The following SRRM4 variants were observed in gnomAD, a reference collection of about 807,000 sequenced individuals.
SRRM4 encodes the protein serine/arginine repetitive matrix 4, also known as serine/arginine repetitive matrix protein 4.
In SRRM4, 33 loss-of-function variants were observed where a neutral mutation model predicts 68.9. The observed-to-expected ratio is 0.48, with a 90% confidence interval of 0.36 to 0.64. SRRM4 has a LOEUF of 0.64. SRRM4 is among the 30% of genes least tolerant of loss of function. The pLI, the probability that SRRM4 is intolerant of heterozygous loss-of-function variation, is 0.00. For missense variants in SRRM4, 817 were observed against 827.1 expected (o/e 0.99, Z 0.15); for synonymous variants, 318 against 318.8 (o/e 1.00, Z 0.03).
At chr12:119,030,770 C>T (rs375167078) in intron 1 of SRRM4, among the ~76,000 whole-genome samples, 42 of 152,184 alleles carry the variant, frequency 2.8e-4, no homozygotes, top group Admixed American at 9.8e-4. Context: ...CCATATCATA[C>T]GAATGCATTA....
intron 1 of SRRM4, among the ~76,000 whole-genome samples, chr12:119,073,701 G>A (rs1009721906): frequency 6.6e-6 from 1 of 152,104 alleles, no homozygotes; most frequent in South Asian, 2.1e-4. Context: ...GCTTACTGCA[G>A]GCTTGAACTC....
At chr12:119,005,129 G>A (rs371194199) in intron 1 of SRRM4, among the ~76,000 whole-genome samples, 5 of 152,368 alleles carry the variant, frequency 3.3e-5, no homozygotes, top group South Asian at 4.1e-4. Flanking sequence ...TGGGGGAAAG[G>A]AGGAGAAGGG....
At chr12:119,092,284 A>T (rs1954018514) in intron 1 of SRRM4, among the ~76,000 whole-genome samples, 1 of 152,122 alleles carries the variant, frequency 6.6e-6, no homozygotes, top group Non-Finnish European at 1.5e-5. Flanking sequence ...AACACTGTCC[A>T]AATGCTATCA....
chr12:119,027,858 C>T (rs1013799231), intron 1 of SRRM4, among the ~76,000 whole-genome samples: 5 of 152,290 alleles, frequency 3.3e-5, no homozygotes, highest in African/African-American at 7.2e-5. Context: ...AGTCTGACTT[C>T]GGGGCCTGTA....
chr12:119,141,987 G>A (rs1954368211), intron 8 of SRRM4, among the ~76,000 whole-genome samples: 1 of 152,224 alleles, frequency 6.6e-6, no homozygotes. Context: ...GCCATGTGAA[G>A]TGGGGAAGAG....
intron 1 of SRRM4, among the ~76,000 whole-genome samples, chr12:119,043,790 A>ACACACACACACG (rs1953686488): frequency 6.6e-6 from 1 of 151,732 alleles, no homozygotes; most frequent in Non-Finnish European, 1.5e-5. Flanking sequence ...ACACACACAC[A>ACACACACACACG]CACACACACA....
At chr12:119,031,252 C>T (rs1953587535) in intron 1 of SRRM4, 1 of 152,178 alleles carries the variant, frequency 6.6e-6, no homozygotes, top group African/African-American at 2.4e-5. Context: ...AATCTGAGAC[C>T]TCCCCCAGTT....
rs139673677 is a variant in SRRM4, at chr12:118,988,294, C to A, written c.131+6281C>A. Among the ~76,000 whole-genome samples, 332 of 152,264 alleles carry A rather than the reference C, an allele frequency of 2.2e-3. 4 individuals are homozygous for A. Among genetic ancestry groups the A allele is most frequent in the African/African-American group, 7.8e-3 (322 of 41,538 alleles). Reference sequence around the variant, plus strand: ...TGATCAGAGAAAATCAGACCTTTGCCCCCAGCAGGGTCTCAAATACCATTT... The same window carrying A: ...TGATCAGAGAAAATCAGACCTTTGCACCCAGCAGGGTCTCAAATACCATTT... On this transcript the variant is annotated intron_variant, in intron 1 of 12. Coordinates refer to ENST00000267260, the MANE Select transcript of SRRM4 (RefSeq NM_194286.4).
chr12:119,088,827 C>T (rs1953995996), intron 1 of SRRM4, among the ~76,000 whole-genome samples: 1 of 152,182 alleles, frequency 6.6e-6, no homozygotes, highest in Admixed American at 6.5e-5. Flanking sequence ...GGTTGGAAGA[C>T]TAGGTCCCAA....
chr12:118,985,597 C>T (rs1210834908), intron 1 of SRRM4, among the ~76,000 whole-genome samples: 1 of 152,036 alleles, frequency 6.6e-6, no homozygotes, highest in African/African-American at 2.4e-5. Context: ...ATCTACCAGC[C>T]GGAAGGGAAC....
At chr12:119,033,516 T>TA (rs1431377701) in intron 1 of SRRM4, among the ~76,000 whole-genome samples, 1 of 152,116 alleles carries the variant, frequency 6.6e-6, no homozygotes, top group East Asian at 1.9e-4. Flanking sequence ...ATACAAAAAT[T>TA]AGCTGGGCGT....
chr12:119,058,143 C>T (rs1592880511), intron 1 of SRRM4, among the ~76,000 whole-genome samples: 1 of 152,174 alleles, frequency 6.6e-6, no homozygotes, highest in East Asian at 1.9e-4. Context: ...TTGATTTACT[C>T]ATTTGTTCAT....
intron 1 of SRRM4, among the ~76,000 whole-genome samples, chr12:119,099,327 T>C (rs1954064318): frequency 6.6e-6 from 1 of 152,116 alleles, no homozygotes; most frequent in Non-Finnish European, 1.5e-5. Flanking sequence ...AGAGAAAGGG[T>C]TCTGCCATAT....
intron 2 of SRRM4, among the ~76,000 whole-genome samples, chr12:119,108,192 A>G (rs1394551330): frequency 2.6e-5 from 4 of 152,032 alleles, no homozygotes; most frequent in Non-Finnish European, 5.9e-5. Flanking sequence ...GTTTGTTGTG[A>G]TTTCTGTTCT....
At chr12:119,050,255 T>A (rs1421694555) in intron 1 of SRRM4, among the ~76,000 whole-genome samples, 1 of 152,194 alleles carries the variant, frequency 6.6e-6, no homozygotes, top group South Asian at 2.1e-4. Context: ...CATAACATGG[T>A]TTTCAACACC....
Position 119,157,294 on chromosome 12 carries a change from A to G in SRRM4, c.*496A>G, listed in dbSNP as rs1220229652. On this transcript the variant is annotated 3_prime_UTR_variant, in exon 13 of 13. Transcript: ENST00000267260. This position sits in a 1 kb window ranked among gnomAD's most constrained non-coding sequence, Gnocchi z 4.1. ...GGAGACCAATGGCAGTTCAGGTTCA[A>G]GATAACGGGGTCAGGCCTTTAACTT... The G allele has an allele frequency of 2.5e-5, 4 of 158,358 alleles. No individual in the cohort carries two copies. Among genetic ancestry groups the G allele is most frequent in the South Asian group, 2.0e-4 (1 of 5,112 alleles). 9.8% of individuals were successfully genotyped at this position (158,358 alleles called of 1,614,324 possible).
intron 1 of SRRM4, among the ~76,000 whole-genome samples, chr12:119,062,352 C>G (rs1466145297): frequency 6.6e-6 from 1 of 152,210 alleles, no homozygotes; most frequent in Non-Finnish European, 1.5e-5. Flanking sequence ...TTGATAAACA[C>G]TGTAAACTTA....
intron 1 of SRRM4, among the ~76,000 whole-genome samples, chr12:119,038,366 C>A (rs1156894134): frequency 6.6e-6 from 1 of 152,112 alleles, no homozygotes; most frequent in African/African-American, 2.4e-5. Context: ...CACCCGCCAC[C>A]ATGCCTGGCT....
In SRRM4 at chr12:119,154,845, A is replaced by T. The variant is rs144369073; in HGVS notation, c.1532+462A>T. 5.3e-5 allele frequency among the ~76,000 whole-genome samples: 8 copies of T among 152,306 alleles called. No homozygotes were observed. Among genetic ancestry groups the T allele is most frequent in the Admixed American group, 5.2e-4 (8 of 15,308 alleles). ...TCAGCTGTCAGGCTTAAATAAACCT[A>T]TATGTAATTATACCTTGAACCAAGT... On this transcript the variant is annotated intron_variant, in intron 12 of 12. Coordinates refer to ENST00000267260, the MANE Select transcript of SRRM4 (RefSeq NM_194286.4). The surrounding 1 kb of genome is among the most constrained non-coding windows in gnomAD (Gnocchi z 4.7).
Sources: allele counts gnomAD v4.1 joint callset (sites outside exome capture counted in the v4.1 genomes callset), GRCh38; gene constraint gnomAD v4.1.1; non-coding constraint Gnocchi (gnomAD v3.1); transcripts MANE v1.5; gene names NCBI Gene and HGNC (gene_info 2026-07-23, HGNC 2026-07-21).